RANBP17: variants seen among roughly 807,000 people sequenced by gnomAD.
RANBP17 encodes the protein ran-binding protein 17.
In RANBP17, 158 loss-of-function variants were observed where a neutral mutation model predicts 141.2. The ratio of observed to expected loss-of-function variants is 1.12; its 90% CI spans 0.98 to 1.28. The LOEUF is 1.28. Among genes scored for constraint, RANBP17 ranks in the 50% most tolerant of loss-of-function variants. The pLI, the probability that RANBP17 is intolerant of heterozygous loss-of-function variation, is 0.00. For missense variants in RANBP17, 1,438 were observed against 1,290.7 expected (o/e 1.11, Z -1.75); for synonymous variants, 430 against 450.0 (o/e 0.96, Z 0.56).
chr5:171,153,007 T>A (rs193112939), intron 14 of RANBP17, among the ~76,000 whole-genome samples: 48 of 152,312 alleles, frequency 3.2e-4, no homozygotes, highest in Non-Finnish European at 8.8e-5. Flanking sequence ...TCCTAAAGCA[T>A]TTTATGCTCT....
intron 12 of RANBP17, among the ~76,000 whole-genome samples, chr5:170,941,903 A>C (rs9313530): frequency 0.75 from 114,240 of 151,988 alleles, 43,118 homozygotes; most frequent in South Asian, 0.92. Context: ...CTGACCCTTG[A>C]ACCGTCACAT....
chr5:171,169,082 A>C (rs1759919186), intron 14 of RANBP17, among the ~76,000 whole-genome samples: 1 of 152,146 alleles, frequency 6.6e-6, no homozygotes, highest in South Asian at 2.1e-4. Context: ...CTACAATGGC[A>C]GCTTTCCTCC....
rs373713676 is a variant in RANBP17 at position 170,948,938 on chromosome 5, G to T, written c.1469-4659G>T. On this transcript the variant is annotated intron_variant, in intron 12 of 27. Coordinates refer to ENST00000523189, the MANE Select transcript of RANBP17 (RefSeq NM_022897.5). ...AGGCCAAGGTAGGAGGATCACTTGA[G>T]CCCAGGATGTTCAGGAACAGCCTGG... Among the ~76,000 whole-genome samples the T allele has an allele frequency of 4.1e-4, 63 of 152,132 alleles. 1 individual carries two copies. In the South Asian group the frequency reaches 0.013, roughly 31 times the overall value.
intron 21 of RANBP17, among the ~76,000 whole-genome samples, chr5:171,215,362 C>A (rs1449849090): frequency 2.0e-5 from 3 of 152,128 alleles, no homozygotes; most frequent in Non-Finnish European, 4.4e-5. Context: ...CTGCAGTAAA[C>A]ATACATGTGC....
chr5:170,953,727 T>C, intron 13 of RANBP17, 25 bp downstream of exon 13: 1 of 1,434,848 alleles, frequency 7.0e-7, no homozygotes, highest in Non-Finnish European at 9.8e-7. Context: ...TGTAATTTAC[T>C]GAAATTCACT....
rs118108622 is a variant in RANBP17 at position 171,117,209 on chromosome 5, T to A, written c.1711-52921T>A. Among the ~76,000 whole-genome samples, 6 of 152,300 alleles carry A rather than the reference T, an allele frequency of 3.9e-5. No individual in the cohort carries two copies. The East Asian group carries it at 1.2e-3, about 29-fold the overall frequency. On this transcript the variant is annotated intron_variant, in intron 14 of 27. Transcript: ENST00000523189. ...AAGTACCAGTAATAGGACTGTCAAATCATAAGGTAGTTCTATTTGTAGTAT... is the reference window on the plus strand; with the variant it reads ...AAGTACCAGTAATAGGACTGTCAAAACATAAGGTAGTTCTATTTGTAGTAT...
chr5:171,039,688 G>A (rs887019721), intron 14 of RANBP17, among the ~76,000 whole-genome samples: 1 of 152,098 alleles, frequency 6.6e-6, no homozygotes, highest in African/African-American at 2.4e-5. Context: ...AATGACAAAG[G>A]TGACATTACA....
chr5:170,947,822 G>A (rs1774883641), intron 12 of RANBP17, among the ~76,000 whole-genome samples: 1 of 152,092 alleles, frequency 6.6e-6, no homozygotes, highest in Non-Finnish European at 1.5e-5. Context: ...CTTAAATGGT[G>A]GCAGGCTTCC....
At chr5:171,007,234 G>A (rs1379905437) in intron 14 of RANBP17, among the ~76,000 whole-genome samples, 4 of 152,142 alleles carry the variant, frequency 2.6e-5, no homozygotes, top group African/African-American at 7.2e-5. Context: ...TTTGGGAAAG[G>A]TCTGATAGAG....
intron 14 of RANBP17, chr5:171,028,879 A>G (rs1462781312): frequency 2.3e-6 from 3 of 1,281,226 alleles, no homozygotes; most frequent in Non-Finnish European, 3.1e-6. Context: ...CAGAAGACAG[A>G]CATCTTCCTG....
intron 19 of RANBP17, among the ~76,000 whole-genome samples, chr5:171,200,213 C>A (rs1485163535): frequency 6.6e-6 from 1 of 152,116 alleles, no homozygotes; most frequent in Non-Finnish European, 1.5e-5. Flanking sequence ...TATTAAATGG[C>A]TAGGCATATA....
At chr5:171,189,473 G>A (rs896359272) in intron 18 of RANBP17, among the ~76,000 whole-genome samples, 3 of 152,160 alleles carry the variant, frequency 2.0e-5, no homozygotes, top group African/African-American at 7.2e-5. Flanking sequence ...GCACCAGTCA[G>A]GGTCTTTACA....
intron 11 of RANBP17, among the ~76,000 whole-genome samples, chr5:170,921,318 G>T (rs1772444559): frequency 6.6e-6 from 1 of 152,130 alleles, no homozygotes; most frequent in African/African-American, 2.4e-5. Context: ...TGGCTAGTCA[G>T]TTTTCCCAGC....
rs1256370292 is a variant in RANBP17, at chr5:171,299,972, C to T, written c.*1114C>T. The T allele has an allele frequency of 5.2e-6, 1 of 190,690 alleles. No homozygotes were observed. Among genetic ancestry groups the T allele is most frequent in the Admixed American group, 6.2e-5 (1 of 16,252 alleles). 11.8% of individuals were successfully genotyped at this position (190,690 alleles called of 1,614,324 possible). A position where few individuals can be genotyped will look rare whatever the true frequency, so the allele number is the denominator to read the frequency against. On this transcript the variant is annotated 3_prime_UTR_variant, in exon 28 of 28. Transcript: ENST00000523189. ...GATAAGACATGAAAGGTTGGCCTTACTGTTGAACAATAAGTAAATCCACAG... is the reference window on the plus strand; with the variant it reads ...GATAAGACATGAAAGGTTGGCCTTATTGTTGAACAATAAGTAAATCCACAG...
intron 2 of RANBP17, among the ~76,000 whole-genome samples, chr5:170,880,049 T>C (rs1768530801): frequency 6.6e-6 from 1 of 152,192 alleles, no homozygotes; most frequent in Admixed American, 6.5e-5. Context: ...TAAGCCCTTT[T>C]CCGCTCCATA....
At chr5:171,169,865 G>A (rs1759976633) in intron 14 of RANBP17, among the ~76,000 whole-genome samples, 1 of 151,874 alleles carries the variant, frequency 6.6e-6, no homozygotes, top group African/African-American at 2.4e-5. Flanking sequence ...AAAAATGTGT[G>A]TGGTGTGGTG....
intron 14 of RANBP17, among the ~76,000 whole-genome samples, chr5:171,120,325 G>C (rs1755942581): frequency 6.6e-6 from 1 of 152,162 alleles, no homozygotes; most frequent in Non-Finnish European, 1.5e-5. Context: ...GAGTTTCCCT[G>C]CACATGTCCA....
At chr5:170,995,584 A>G (rs568994591) in intron 14 of RANBP17, among the ~76,000 whole-genome samples, 18 of 152,250 alleles carry the variant, frequency 1.2e-4, no homozygotes, top group African/African-American at 4.3e-4. Context: ...GTGATATTTG[A>G]TAGAGTCGAT....
intron 14 of RANBP17, among the ~76,000 whole-genome samples, chr5:171,027,279 A>G (rs1581435321): frequency 1.3e-5 from 2 of 152,298 alleles, no homozygotes; most frequent in East Asian, 3.9e-4. Flanking sequence ...CCAGATTGTT[A>G]AAGATTCAGC....
Sources: allele counts gnomAD v4.1 joint callset (sites outside exome capture counted in the v4.1 genomes callset), GRCh38; gene constraint gnomAD v4.1.1; transcripts MANE v1.5; gene names NCBI Gene and HGNC (gene_info 2026-07-23, HGNC 2026-07-21).